The following FYCO1 variants were observed in gnomAD, a reference collection of about 807,000 sequenced individuals.
FYCO1 encodes FYVE and coiled-coil domain-containing protein 1.
A neutral mutation model predicts 165.1 loss-of-function variants in FYCO1; 122 were observed. That is an observed-to-expected ratio of 0.74 (90% CI 0.64 to 0.86). The LOEUF is 0.86. Ranked by LOEUF, FYCO1 falls within the 40% of genes least tolerant of loss-of-function variation. The probability of loss-of-function intolerance (pLI) is 0.00; values close to 1 mark genes in which losing one functional copy is unlikely to be tolerated. For missense variants in FYCO1, 1,702 were observed against 1,810.3 expected (o/e 0.94, Z 1.09); for synonymous variants, 648 against 742.5 (o/e 0.87, Z 2.07).
intron 1 of FYCO1, among the ~76,000 whole-genome samples, chr3:45,990,733 T>A (rs1707519517): frequency 2.0e-5 from 3 of 152,220 alleles, no homozygotes; most frequent in African/African-American, 7.2e-5. Flanking sequence ...CATAGAAATG[T>A]ACAAAGATGT....
chr3:45,932,320 G>A (rs371164719), intron 15 of FYCO1, among the ~76,000 whole-genome samples: 14 of 152,322 alleles, frequency 9.2e-5, no homozygotes, highest in African/African-American at 2.9e-4. Flanking sequence ...TTTGAACCTC[G>A]GTTTCTCAAC....
At chr3:45,938,494 G>T (rs1374123320) in intron 14 of FYCO1, among the ~76,000 whole-genome samples, 1 of 152,164 alleles carries the variant, frequency 6.6e-6, no homozygotes, top group Non-Finnish European at 1.5e-5. Flanking sequence ...GGGGTTTTTT[G>T]TTGTTGTTGT....
intron 14 of FYCO1, chr3:45,947,226 C>T (rs757274352): frequency 1.9e-6 from 3 of 1,614,196 alleles, no homozygotes; most frequent in Non-Finnish European, 1.7e-6. Context: ...GCCCTTCAAC[C>T]TCATGAAGTT....
At chr3:45,952,897 G>A (rs1474258464) in intron 14 of FYCO1, among the ~76,000 whole-genome samples, 2 of 152,176 alleles carry the variant, frequency 1.3e-5, no homozygotes, top group African/African-American at 4.8e-5. Flanking sequence ...TAGTGGAATG[G>A]AACATGCCCC....
rs1707633139 is a variant in FYCO1 at position 45,993,040 on chromosome 3, TA to T, written c.-113+2681del. 6.6e-6 allele frequency among the ~76,000 whole-genome samples: 1 copy of T among 152,172 alleles called. No individual in the cohort carries two copies. On this transcript the variant is annotated intron_variant, in intron 1 of 17. Transcript: ENST00000296137. The surrounding 1 kb of genome is among the most constrained non-coding windows in gnomAD (Gnocchi z 4.4). ...GGTATAGTACTCTAGATTCCTGAGGTAGTTGGCCAGATCAGCCCTTGGGTCC... is the reference window on the plus strand; with the variant it reads ...GGTATAGTACTCTAGATTCCTGAGGTGTTGGCCAGATCAGCCCTTGGGTCC...
intron 13 of FYCO1, 40 bp downstream of exon 13, chr3:45,958,368 A>G: frequency 6.4e-7 from 1 of 1,570,156 alleles, no homozygotes; most frequent in Non-Finnish European, 8.7e-7. Flanking sequence ...AGGAAGTGGC[A>G]CCTAGAGAAC....
intron 14 of FYCO1, among the ~76,000 whole-genome samples, chr3:45,951,416 C>T (rs1056694242): frequency 6.6e-6 from 1 of 152,216 alleles, no homozygotes; most frequent in Non-Finnish European, 1.5e-5. Context: ...GGAGCTCAAG[C>T]TCTTCACCAC....
At chr3:45,939,160 C>A (rs550756088) in intron 14 of FYCO1, among the ~76,000 whole-genome samples, 2 of 152,364 alleles carry the variant, frequency 1.3e-5, no homozygotes, top group African/African-American at 4.8e-5. Flanking sequence ...GTGAATATCT[C>A]TTGAGCACAT....
intron 13 of FYCO1, among the ~76,000 whole-genome samples, chr3:45,956,972 G>A (rs778932480): frequency 6.6e-6 from 1 of 152,164 alleles, no homozygotes. Flanking sequence ...GTCACTCTAC[G>A]TGATGTTAAG....
Position 45,967,381 on chromosome 3 carries a change from C to T in FYCO1, c.1953G>A (p.Gln651=). Residue 651 remains glutamine, a synonymous_variant, in exon 8 of 18, where the codon CAG becomes CAA. Transcript: ENST00000296137. ...ALQADYQALQ[Q]RESAIQGSLA... is the part of the protein sequence containing the mutation. ...AGGAGCCCTGGATGGCTGATTCCCG[C>T]TGCTGCAAAGCCTGGTAATCGGCCT... is the stretch of plus-strand genomic sequence containing the variant. The T allele has an allele frequency of 6.2e-7, 1 of 1,610,772 alleles. No homozygotes were observed. The highest frequency in any genetic ancestry group is 1.1e-5 in the South Asian group (1 of 91,002).
Position 45,979,798 on chromosome 3 carries a change from GC to G in FYCO1, c.194del (p.Gly65AlafsTer17), listed in dbSNP as rs1406898290. ...AGTAATCCCAGTAGTCCTTCTTGTT[GC>G]CCAGGAGGGTGGCCTTCTCTTTCTG... Reference protein sequence around the residue: ...FDQKEKATLLGNKKDYWDYFC... With the variant: ...FDQKEKATLLXNKKDYWDYFC... On this transcript the variant is annotated frameshift_variant, in exon 4 of 18. Coordinates refer to ENST00000296137, the MANE Select transcript of FYCO1 (RefSeq NM_024513.4). LOFTEE classifies it high-confidence loss of function. 1 of 1,614,016 alleles carries G rather than the reference GC, an allele frequency of 6.2e-7. No individual in the cohort carries two copies. Among genetic ancestry groups the G allele is most frequent in the Admixed American group, 1.7e-5 (1 of 60,020 alleles).
intron 7 of FYCO1, 27 bp from the exon 8 acceptor site, chr3:45,968,730 T>C: frequency 1.2e-6 from 2 of 1,614,060 alleles, no homozygotes; most frequent in Non-Finnish European, 1.7e-6. Context: ...AAAAGACAAG[T>C]GGCTTTAGGA....
chr3:45,923,482 G>C (rs908021324), intron 17 of FYCO1, among the ~76,000 whole-genome samples, 174 bp downstream of exon 17: 1 of 152,210 alleles, frequency 6.6e-6, no homozygotes, highest in Non-Finnish European at 1.5e-5. Flanking sequence ...ATGAGCCTGT[G>C]TGTCACAAAA....
chr3:45,920,897 A>C lies in FYCO1; in HGVS notation c.*868T>G, dbSNP rs1464220494. The C allele has an allele frequency of 6.5e-6, 1 of 152,806 alleles. No homozygotes were observed. The highest frequency in any genetic ancestry group is 1.5e-5 in the Non-Finnish European group (1 of 68,162). 9.5% of individuals were successfully genotyped at this position (152,806 alleles called of 1,614,324 possible). A position where few individuals can be genotyped will look rare whatever the true frequency, so the allele number is the denominator to read the frequency against. ...GGGCCATCAGCTGAGGAGTAGCTCT[A>C]AAGCCAATGCACAATCCTGCTCTGT... On this transcript the variant is annotated 3_prime_UTR_variant, in exon 18 of 18. Coordinates refer to ENST00000296137, the MANE Select transcript of FYCO1 (RefSeq NM_024513.4).
chr3:45,966,788 G>C lies in FYCO1; in HGVS notation c.2546C>G (p.Ser849Trp), dbSNP rs766344445. The change falls in exon 8 of 18, where the codon TCG becomes TGG. Residue 849 changes from serine (S) to tryptophan (W), a missense_variant. Coordinates refer to ENST00000296137, the MANE Select transcript of FYCO1 (RefSeq NM_024513.4). ...CTCCTGCAGTGCCCCTTCACGCTCC[G>C]AGCATTGCAGCAGCTCCTGGACATG... ...RAHVQELLQC[S>W]EREGALQEER... 3 of 1,609,784 alleles carry C rather than the reference G, an allele frequency of 1.9e-6. No individual in the cohort carries two copies. Among genetic ancestry groups the C allele is most frequent in the East Asian group, 4.5e-5 (2 of 44,876 alleles).
intron 14 of FYCO1, among the ~76,000 whole-genome samples, chr3:45,944,453 A>G (rs565668545): frequency 6.6e-6 from 1 of 152,310 alleles, no homozygotes; most frequent in African/African-American, 2.4e-5. Flanking sequence ...ACATTTAAGT[A>G]TATTCTATTT....
In FYCO1 at chr3:45,923,150, T is replaced by C. The variant is rs540882980; in HGVS notation, c.4361+506A>G. ...GAGTGCTTCCCAGAGATGGCACCTG[T>C]CGCTCCCGCCACATGGCCAGGGGCT... On this transcript the variant is annotated intron_variant, in intron 17 of 17. Coordinates refer to ENST00000296137, the MANE Select transcript of FYCO1 (RefSeq NM_024513.4). Among the ~76,000 whole-genome samples, 112 of 152,380 alleles carry C rather than the reference T, an allele frequency of 7.4e-4. 1 individual carries two copies. Among genetic ancestry groups the C allele is most frequent in the African/African-American group, 2.6e-3 (109 of 41,598 alleles).
At chr3:45,990,328 T>C (rs1430198556) in intron 1 of FYCO1, among the ~76,000 whole-genome samples, 3 of 152,206 alleles carry the variant, frequency 2.0e-5, no homozygotes, top group Non-Finnish European at 4.4e-5. Context: ...GGTGGAGCTC[T>C]GACCTTTAAG....
Position 45,966,678 on chromosome 3 carries a change from C to A in FYCO1, c.2656G>T (p.Glu886Ter). Reference protein sequence around the residue: ...ELSQAKCSSEEAQLEHAELQE... With the variant: ...ELSQAKCSSE ...AGCTCAGCGTGCTCCAGCTGTGCTT[C>A]CTCGGAGCTGCATTTGGCCTGGGAC... Residue 886 changes from glutamate to a stop codon, truncating the protein, a stop_gained, in exon 8 of 18, where the codon GAA becomes TAA. Coordinates refer to ENST00000296137, the MANE Select transcript of FYCO1 (RefSeq NM_024513.4). LOFTEE classifies it high-confidence loss of function. 2 of 1,614,032 alleles carry A rather than the reference C, an allele frequency of 1.2e-6. No individual in the cohort carries two copies. The highest frequency in any genetic ancestry group is 1.7e-6 in the Non-Finnish European group (2 of 1,180,010).
Sources: allele counts gnomAD v4.1 joint callset (sites outside exome capture counted in the v4.1 genomes callset), GRCh38; gene constraint gnomAD v4.1.1; non-coding constraint Gnocchi (gnomAD v3.1); transcripts MANE v1.5; gene names NCBI Gene and HGNC (gene_info 2026-07-23, HGNC 2026-07-21).